The following PCDHA13 variants were observed in gnomAD, a reference collection of about 807,000 sequenced individuals.
The protein encoded by PCDHA13 is protocadherin alpha 13.
Under a neutral mutation model 64.8 loss-of-function variants are expected in PCDHA13, and 54 were observed. The ratio of observed to expected loss-of-function variants is 0.83; its 90% CI spans 0.67 to 1.04. The LOEUF is 1.04. Among genes scored for constraint, PCDHA13 ranks in the 50% least tolerant of loss-of-function variants. PCDHA13 has a pLI of 0.00. For synonymous variants in PCDHA13, 587 were observed against 564.4 expected (o/e 1.04, Z -0.57); for missense variants, 1,248 against 1,254.3 (o/e 0.99, Z 0.08).
intron 1 of PCDHA13, among the ~76,000 whole-genome samples, chr5:140,940,317 A>G (rs782009825): frequency 1.5e-4 from 23 of 152,024 alleles, no homozygotes; most frequent in Non-Finnish European, 2.2e-4. Context: ...CTTTCTTCCA[A>G]TTTTACTAAT....
chr5:140,977,442 T>C (rs746141638), intron 1 of PCDHA13, among the ~76,000 whole-genome samples: 1 of 152,186 alleles, frequency 6.6e-6, no homozygotes. Flanking sequence ...TAGTAGATAA[T>C]GGAAACTCCT....
chr5:140,965,654 G>A (rs1194762396), intron 1 of PCDHA13, among the ~76,000 whole-genome samples: 5 of 152,150 alleles, frequency 3.3e-5, no homozygotes, highest in Non-Finnish European at 7.4e-5. Flanking sequence ...GAAAGAAAAT[G>A]TCTTGGGTGA....
intron 1 of PCDHA13, among the ~76,000 whole-genome samples, chr5:140,938,665 G>A (rs542703903): frequency 7.1e-4 from 108 of 152,106 alleles, no homozygotes; most frequent in Admixed American, 1.2e-3. Context: ...ATTAGACTTA[G>A]TTTCCTAACA....
At chr5:140,993,137 A>G (rs1336525759) in intron 3 of PCDHA13, among the ~76,000 whole-genome samples, 12 of 152,212 alleles carry the variant, frequency 7.9e-5, no homozygotes, top group African/African-American at 2.7e-4. Flanking sequence ...CTGTTGCAAC[A>G]AGTATAAATG....
At chr5:140,987,432 T>G (rs1401623974) in intron 3 of PCDHA13, among the ~76,000 whole-genome samples, 1 of 152,152 alleles carries the variant, frequency 6.6e-6, no homozygotes, top group Non-Finnish European at 1.5e-5. Flanking sequence ...GCAGGGGGCC[T>G]TTCCCCATGC....
intron 1 of PCDHA13, among the ~76,000 whole-genome samples, chr5:140,949,279 A>T (rs2094358116): frequency 6.6e-6 from 1 of 151,848 alleles, no homozygotes; most frequent in African/African-American, 2.4e-5. Flanking sequence ...CTTGAAAAGA[A>T]TGTATATTCT....
chr5:140,981,861 A>G (rs1554243465), intron 2 of PCDHA13, among the ~76,000 whole-genome samples: 1 of 152,126 alleles, frequency 6.6e-6, no homozygotes, highest in Non-Finnish European at 1.5e-5. Context: ...ACTCCCAGCA[A>G]TGTTTTATGC....
intron 1 of PCDHA13, among the ~76,000 whole-genome samples, chr5:140,975,053 A>G (rs2096651589): frequency 1.3e-5 from 2 of 152,144 alleles, no homozygotes; most frequent in Admixed American, 6.5e-5. Flanking sequence ...GGAAGAATCT[A>G]CTATCGAGCT....
intron 1 of PCDHA13, among the ~76,000 whole-genome samples, chr5:140,951,543 C>G (rs246041): frequency 0.56 from 85,284 of 151,440 alleles, 24,613 homozygotes; most frequent in African/African-American, 0.69. Flanking sequence ...GAGCAAGGGA[C>G]GGGGGGAAGT....
intron 1 of PCDHA13, among the ~76,000 whole-genome samples, chr5:140,947,996 T>G (rs185303145): frequency 1.1e-4 from 14 of 126,854 alleles, no homozygotes; most frequent in Non-Finnish European, 2.3e-4. Flanking sequence ...CCAAATACTT[T>G]ATTAAATTTA....
At chr5:140,962,781 T>A (rs1466674099) in intron 1 of PCDHA13, among the ~76,000 whole-genome samples, 1 of 152,228 alleles carries the variant, frequency 6.6e-6, no homozygotes, top group African/African-American at 2.4e-5. Context: ...ATGGAATTTT[T>A]AAAAACTACT....
At chr5:140,894,133 A>G (rs782349927) in intron 1 of PCDHA13, among the ~76,000 whole-genome samples, 14 of 152,166 alleles carry the variant, frequency 9.2e-5, no homozygotes, top group Non-Finnish European at 1.8e-4. Flanking sequence ...ATAACTTGAA[A>G]TAATTCCCTT....
At chr5:140,931,793 A>C (rs979670484) in intron 1 of PCDHA13, among the ~76,000 whole-genome samples, 33 of 151,972 alleles carry the variant, frequency 2.2e-4, no homozygotes, top group African/African-American at 7.7e-4. Context: ...TATTGATCTG[A>C]TCTTAATTCT....
intron 1 of PCDHA13, among the ~76,000 whole-genome samples, chr5:140,897,105 C>T (rs981189512): frequency 3.3e-5 from 5 of 152,062 alleles, no homozygotes; most frequent in South Asian, 2.1e-4. Flanking sequence ...TAAAAATCTC[C>T]ACTTTCTGTC....
chr5:140,946,611 A>AATATATATAT (rs1554217734), intron 1 of PCDHA13, among the ~76,000 whole-genome samples: 3,697 of 86,664 alleles, frequency 0.043, 168 homozygotes, highest in Non-Finnish European at 0.054. Flanking sequence ...GAAAATGTGA[A>AATATATATAT]ATATATATAT....
At chr5:140,946,152 G>T (rs1279401608) in intron 1 of PCDHA13, among the ~76,000 whole-genome samples, 1 of 151,750 alleles carries the variant, frequency 6.6e-6, no homozygotes, top group Non-Finnish European at 1.5e-5. Flanking sequence ...CAAATAACAC[G>T]ATTTAAAAGA....
chr5:140,890,879 A>C (rs1448155644), intron 1 of PCDHA13, among the ~76,000 whole-genome samples: 2 of 152,112 alleles, frequency 1.3e-5, no homozygotes, highest in Non-Finnish European at 2.9e-5. Flanking sequence ...CTGACCTTTC[A>C]TCAGGGATTA....
intron 3 of PCDHA13, among the ~76,000 whole-genome samples, chr5:141,001,524 C>T (rs952372807): frequency 6.6e-6 from 1 of 152,202 alleles, no homozygotes; most frequent in Non-Finnish European, 1.5e-5. Context: ...CTCCCTCTCT[C>T]TCTGATCCTG....
At chr5:141,005,725 A>AAAAAAG (rs2098234610) in intron 3 of PCDHA13, among the ~76,000 whole-genome samples, 2 of 150,088 alleles carry the variant, frequency 1.3e-5, no homozygotes, top group Admixed American at 6.6e-5. Flanking sequence ...AAAAAAAAAA[A>AAAAAAG]AAAAAAGAAT....
Sources: gnomAD v4.1 joint callset for allele counts (sites outside exome capture counted in the v4.1 genomes callset) on GRCh38, gnomAD v4.1.1 for gene constraint, MANE v1.5 for transcripts, NCBI Gene and HGNC (gene_info 2026-07-23, HGNC 2026-07-21) for gene names.